The following PPP1R9A variants were observed in gnomAD, a reference collection of about 807,000 sequenced individuals.
PPP1R9A encodes the protein protein phosphatase 1 regulatory subunit 9A, also known as neurabin-1.
Under a neutral mutation model 141.9 loss-of-function variants are expected in PPP1R9A, and 59 were observed. That is an observed-to-expected ratio of 0.42 (90% confidence interval 0.34 to 0.52). The LOEUF (loss-of-function observed/expected upper bound fraction) is 0.52. Among genes scored for constraint, PPP1R9A ranks in the 20% least tolerant of loss-of-function variants. PPP1R9A has a pLI of 0.10. For synonymous variants in PPP1R9A, 500 were observed against 569.7 expected, an observed-to-expected ratio of 0.88 and a Z score of 1.74; for missense variants, 1,444 against 1,611.9, an observed-to-expected ratio of 0.90 and a Z score of 1.78.
At position 95,193,203 on chromosome 7, in the gene PPP1R9A, G is replaced by A. The variant is rs116734660; in HGVS notation, c.1755-5146G>A. Among the ~76,000 whole-genome samples, 1,338 of 152,160 alleles carry A rather than the reference G, an allele frequency of 8.8e-3. 16 individuals are homozygous for A. Among genetic ancestry groups the A allele is most frequent in the African/African-American group, 0.031 (1,284 of 41,534 alleles). On this transcript the variant is annotated intron_variant, in intron 5 of 19. Transcript: ENST00000433360. ...GCAAATCTGTGCTTTAAATTTATTG[G>A]ATTACAAAGCTTTAAAGATGTGTGG...
At chr7:94,963,583 A>G (rs1797879189) in intron 2 of PPP1R9A, among the ~76,000 whole-genome samples, 3 of 152,156 alleles carry the variant, frequency 2.0e-5, no homozygotes, top group Middle Eastern at 6.8e-3. Context: ...TCACCTAACA[A>G]TGTTTTCATC....
intron 12 of PPP1R9A, among the ~76,000 whole-genome samples, chr7:95,268,119 C>T (rs1024168061): frequency 6.6e-6 from 1 of 152,026 alleles, no homozygotes; most frequent in African/African-American, 2.4e-5. Context: ...TGATAGTTAC[C>T]TTCTGTTGCC....
At chr7:95,086,726 A>G (rs1322318924) in intron 2 of PPP1R9A, among the ~76,000 whole-genome samples, 1 of 151,978 alleles carries the variant, frequency 6.6e-6, no homozygotes, top group East Asian at 1.9e-4. Context: ...ATGTATACTA[A>G]AATTTGGAGA....
intron 4 of PPP1R9A, among the ~76,000 whole-genome samples, chr7:95,133,513 TTATATATATA>T (rs10570222): frequency 0.13 from 17,421 of 132,684 alleles, 1,256 homozygotes; most frequent in East Asian, 0.2. Flanking sequence ...TGCAGTCGTA[TTATATATATA>T]TATATATATA....
intron 2 of PPP1R9A, among the ~76,000 whole-genome samples, chr7:94,947,574 T>C (rs953904062): frequency 1.3e-5 from 2 of 152,072 alleles, no homozygotes; most frequent in East Asian, 1.9e-4. Context: ...CTGGGGGCAG[T>C]TGCTACATTC....
intron 14 of PPP1R9A, among the ~76,000 whole-genome samples, chr7:95,270,973 C>T (rs1802082650): frequency 6.6e-6 from 1 of 152,020 alleles, no homozygotes; most frequent in South Asian, 2.1e-4. Context: ...TTGCGTCCAG[C>T]TGAGGTTGGT....
intron 2 of PPP1R9A, among the ~76,000 whole-genome samples, chr7:94,972,126 A>G (rs1166761545): frequency 1.3e-5 from 2 of 152,244 alleles, no homozygotes; most frequent in African/African-American, 4.8e-5. Context: ...GTGAATAATA[A>G]TGCCTAATTT....
intron 2 of PPP1R9A, among the ~76,000 whole-genome samples, chr7:95,022,732 G>T (rs1584317845): frequency 6.6e-6 from 1 of 152,024 alleles, no homozygotes; most frequent in Non-Finnish European, 1.5e-5. Flanking sequence ...ATCTATTGAG[G>T]TAATCATGTG....
chr7:95,124,380 T>C (rs1584816526), intron 4 of PPP1R9A, among the ~76,000 whole-genome samples: 1 of 152,122 alleles, frequency 6.6e-6, no homozygotes, highest in South Asian at 2.1e-4. Context: ...TCTTTGTTCC[T>C]TTTTGTCCTT....
Position 95,159,188 on chromosome 7 carries a change from G to C in PPP1R9A, c.1650-2679G>C, listed in dbSNP as rs144310656. Among the ~76,000 whole-genome samples the C allele has an allele frequency of 3.2e-4, 49 of 152,272 alleles. 1 individual carries two copies. Among genetic ancestry groups the C allele is most frequent in the African/African-American group, 1.1e-3 (45 of 41,560 alleles). ...AATACATTTTGGCATATTGATAAAAGATGATACTATATAGTTGTTAAAATA... is the reference window on the plus strand; with the variant it reads ...AATACATTTTGGCATATTGATAAAACATGATACTATATAGTTGTTAAAATA... On this transcript the variant is annotated intron_variant, in intron 4 of 19. Transcript: ENST00000433360.
chr7:95,115,693 C>T (rs891683023), intron 3 of PPP1R9A, among the ~76,000 whole-genome samples: 1 of 151,810 alleles, frequency 6.6e-6, no homozygotes, highest in Non-Finnish European at 1.5e-5. Flanking sequence ...CTGAGATGGG[C>T]GGATCACGAA....
In PPP1R9A at chr7:95,157,718, C is replaced by T. The variant is rs577221205; in HGVS notation, c.1650-4149C>T. Among the ~76,000 whole-genome samples the T allele has an allele frequency of 1.9e-4, 29 of 152,354 alleles. No homozygotes were observed. The East Asian group carries it at 4.8e-3, about 25-fold the overall frequency. On this transcript the variant is annotated intron_variant, in intron 4 of 19. Coordinates refer to ENST00000433360, the MANE Select transcript of PPP1R9A (RefSeq NM_001166160.2). ...CCTTATGTGGATCTGTTAATGCATT[C>T]ATATGACATTGAAAGAATATGTTGC...
intron 2 of PPP1R9A, among the ~76,000 whole-genome samples, chr7:95,082,819 G>A (rs576895911): frequency 5.5e-4 from 76 of 139,296 alleles, no homozygotes; most frequent in African/African-American, 1.6e-3. Flanking sequence ...TTGCCCAGGC[G>A]AACTCGGCTC....
intron 2 of PPP1R9A, among the ~76,000 whole-genome samples, chr7:95,065,331 C>T (rs1812800517): frequency 6.6e-6 from 1 of 152,144 alleles, no homozygotes; most frequent in Non-Finnish European, 1.5e-5. Context: ...TCCCAAAGTA[C>T]TAGGATTACA....
chr7:95,094,306 T>C (rs1817731782), intron 2 of PPP1R9A, among the ~76,000 whole-genome samples: 1 of 152,114 alleles, frequency 6.6e-6, no homozygotes, highest in East Asian at 1.9e-4. Context: ...CCCTTCTCCA[T>C]CTCCATTAGA....
intron 2 of PPP1R9A, among the ~76,000 whole-genome samples, chr7:94,936,179 G>C (rs1052741570): frequency 6.6e-6 from 1 of 152,088 alleles, no homozygotes; most frequent in African/African-American, 2.4e-5. Context: ...AGACTTTCCT[G>C]TCTGTGTTTT....
In PPP1R9A at chr7:95,269,499, G is replaced by C. The variant is rs854524; in HGVS notation, c.3116G>C (p.Arg1039Pro). Residue 1039 changes from arginine (R) to proline (P), a missense_variant, in exon 14 of 20, where the codon CGA becomes CCA. Physicochemically the swap from Arg to Pro is moderately radical, Grantham distance 103. Coordinates refer to ENST00000433360, the MANE Select transcript of PPP1R9A (RefSeq NM_001166160.2). ...HHQTTNKKIL[R>P]EKDDAKDPKS... ...CAAACCACCAACAAGAAAATATTACGAGAAAAAGGTATTGTTAATTTCTTT... is the reference window on the plus strand; with the variant it reads ...CAAACCACCAACAAGAAAATATTACCAGAAAAAGGTATTGTTAATTTCTTT... The C allele has an allele frequency of 1.5e-5, 23 of 1,560,836 alleles. No individual in the cohort carries two copies. The highest frequency in any genetic ancestry group is 1.9e-5 in the Non-Finnish European group (22 of 1,147,498).
At chr7:95,010,131 C>T (rs1804204603) in intron 2 of PPP1R9A, among the ~76,000 whole-genome samples, 1 of 152,132 alleles carries the variant, frequency 6.6e-6, no homozygotes, top group South Asian at 2.1e-4. Flanking sequence ...GTGGCTTACG[C>T]CTGTAATCCC....
intron 9 of PPP1R9A, among the ~76,000 whole-genome samples, chr7:95,248,349 G>A (rs899372362): frequency 1.4e-5 from 2 of 138,480 alleles, no homozygotes; most frequent in African/African-American, 5.5e-5. Flanking sequence ...TGGTTTCTCC[G>A]TGTGTTTTAA....
Sources: gnomAD v4.1 joint callset for allele counts (sites outside exome capture counted in the v4.1 genomes callset) on GRCh38, gnomAD v4.1.1 for gene constraint, MANE v1.5 for transcripts, NCBI Gene and HGNC (gene_info 2026-07-23, HGNC 2026-07-21) for gene names.